The following ANO2 variants were observed in gnomAD, a reference collection of about 807,000 sequenced individuals.
ANO2 encodes anoctamin 2.
In ANO2, 101 loss-of-function variants were observed where a neutral mutation model predicts 124.2. That is an observed-to-expected ratio of 0.81 (90% CI 0.69 to 0.96). The LOEUF is 0.96. Among genes scored for constraint, ANO2 ranks in the 40% least tolerant of loss-of-function variants. The pLI is 0.00. For synonymous variants in ANO2, 486 were observed against 482.5 expected (o/e 1.01, Z -0.09); for missense variants, 1,293 against 1,274.5 (o/e 1.01, Z -0.22).
At chr12:5,565,727 G>A in intron 23 of ANO2, 64 bp from the exon 24 acceptor site, 1 of 1,347,154 alleles carries the variant, frequency 7.4e-7, no homozygotes, top group Non-Finnish European at 1.0e-6. Context: ...GTCATTCTCT[G>A]GGTGAAACCT....
At chr12:5,916,891 G>A (rs921647256) in intron 3 of ANO2, among the ~76,000 whole-genome samples, 6 of 152,110 alleles carry the variant, frequency 3.9e-5, no homozygotes, top group Non-Finnish European at 8.8e-5. Context: ...TAAACTCAAC[G>A]CTTTACACGC....
rs1373442407 is a variant in ANO2 at position 5,925,487 on chromosome 12, C to T, written c.23-2683G>A. ...CAGCCGTCCCAGCTCTGGAGAGGCA[C>T]TCCAGGCAATAAAGACACAAGGGAG... On this transcript the variant is annotated intron_variant, in intron 1 of 24. Coordinates refer to ENST00000682330, the MANE Select transcript of ANO2 (RefSeq NM_001364791.2). This position sits in a 1 kb window ranked among gnomAD's most constrained non-coding sequence, Gnocchi z 4.6. 4.6e-5 allele frequency among the ~76,000 whole-genome samples: 7 copies of T among 152,180 alleles called. No homozygotes were observed. The highest frequency in any genetic ancestry group is 1.0e-4 in the Non-Finnish European group (7 of 68,038).
At chr12:5,924,936 A>G (rs1235243052) in intron 1 of ANO2, among the ~76,000 whole-genome samples, 1 of 152,156 alleles carries the variant, frequency 6.6e-6, no homozygotes, top group Non-Finnish European at 1.5e-5. Context: ...TTTTTGGTTT[A>G]CATGTGATGG....
At chr12:5,873,196 G>GCT (rs57038931) in intron 3 of ANO2, among the ~76,000 whole-genome samples, 7,572 of 118,324 alleles carry the variant, frequency 0.064, 460 homozygotes, top group Non-Finnish European at 0.085. Flanking sequence ...GCCTAAAGCA[G>GCT]CTCTCTCTCT....
At chr12:5,593,773 G>A (rs1450276644) in intron 20 of ANO2, among the ~76,000 whole-genome samples, 1 of 152,184 alleles carries the variant, frequency 6.6e-6, no homozygotes, top group African/African-American at 2.4e-5. Flanking sequence ...TCAGATGGGA[G>A]AATTGGACCT....
intron 14 of ANO2, among the ~76,000 whole-genome samples, chr12:5,704,437 T>A (rs1392527765): frequency 6.6e-6 from 1 of 152,184 alleles, no homozygotes; most frequent in Non-Finnish European, 1.5e-5. Flanking sequence ...CATAAAAGAA[T>A]GCTGTTTTTA....
chr12:5,788,688 A>G (rs1952611771), intron 10 of ANO2, among the ~76,000 whole-genome samples: 1 of 152,118 alleles, frequency 6.6e-6, no homozygotes, highest in South Asian at 2.1e-4. Context: ...CTTCCTGAGT[A>G]GCTGGGATTA....
intron 1 of ANO2, among the ~76,000 whole-genome samples, chr12:5,940,117 T>A (rs542730228): frequency 1.3e-5 from 2 of 152,298 alleles, no homozygotes; most frequent in African/African-American, 2.4e-5. Flanking sequence ...TGAGCTTGTG[T>A]GACAGTAGTT....
At chr12:5,645,928 G>A (rs1168680635) in intron 15 of ANO2, among the ~76,000 whole-genome samples, 2 of 152,198 alleles carry the variant, frequency 1.3e-5, no homozygotes, top group Non-Finnish European at 2.9e-5. Context: ...AGCCACAGTA[G>A]GGATTGCCCC....
intron 17 of ANO2, among the ~76,000 whole-genome samples, chr12:5,614,644 GC>G (rs1944706999): frequency 6.6e-6 from 1 of 152,154 alleles, no homozygotes; most frequent in Non-Finnish European, 1.5e-5. Flanking sequence ...TGTAAGTATA[GC>G]ACATTTCTGA....
intron 3 of ANO2, among the ~76,000 whole-genome samples, chr12:5,901,981 T>C (rs1395723860): frequency 6.6e-6 from 1 of 152,180 alleles, no homozygotes; most frequent in Non-Finnish European, 1.5e-5. Flanking sequence ...TTCGGTTAGA[T>C]CTTAGGAAGA....
intron 3 of ANO2, among the ~76,000 whole-genome samples, chr12:5,913,570 T>C (rs1165126323): frequency 6.6e-6 from 1 of 152,188 alleles, no homozygotes; most frequent in Admixed American, 6.5e-5. Flanking sequence ...AAAACTACTA[T>C]AAAGTGCTTG....
intron 19 of ANO2, among the ~76,000 whole-genome samples, chr12:5,607,828 T>C (rs906420645): frequency 5.3e-5 from 8 of 152,216 alleles, no homozygotes; most frequent in African/African-American, 1.9e-4. Context: ...CAGATGGGAC[T>C]GTCTAGTTGC....
At chr12:5,869,151 C>T (rs962743949) in intron 3 of ANO2, among the ~76,000 whole-genome samples, 7 of 152,028 alleles carry the variant, frequency 4.6e-5, no homozygotes, top group African/African-American at 1.5e-4. Context: ...AACTGTGGGT[C>T]CCATCCAGCA....
chr12:5,852,687 A>G, intron 4 of ANO2, among the ~76,000 whole-genome samples: 1 of 152,116 alleles, frequency 6.6e-6, no homozygotes, highest in East Asian at 1.9e-4. Context: ...GAGAGTCGGC[A>G]TGGTAACGAG....
intron 10 of ANO2, among the ~76,000 whole-genome samples, chr12:5,792,380 G>A (rs1374427434): frequency 1.3e-5 from 2 of 152,130 alleles, no homozygotes; most frequent in Admixed American, 6.5e-5. Context: ...TTATAAAGAC[G>A]CCTCTCCAAA....
chr12:5,633,206 C>A (rs201059651), intron 16 of ANO2, among the ~76,000 whole-genome samples: 1 of 152,172 alleles, frequency 6.6e-6, no homozygotes, highest in Non-Finnish European at 1.5e-5. Flanking sequence ...CATTCCTTGC[C>A]TAGCCTCTTT....
intron 1 of ANO2, among the ~76,000 whole-genome samples, chr12:5,932,555 TAAGG>T (rs1218641720): frequency 1.4e-5 from 2 of 146,400 alleles, no homozygotes; most frequent in African/African-American, 5.1e-5. Context: ...GGTAGACTAG[TAAGG>T]AAGGAAGACT....
chr12:5,756,174 T>C (rs551031313), intron 10 of ANO2, among the ~76,000 whole-genome samples: 2 of 152,180 alleles, frequency 1.3e-5, no homozygotes, highest in South Asian at 2.1e-4. Flanking sequence ...AGTTCAGTCA[T>C]TGTATTCTTC....
Sources: gnomAD v4.1 joint callset for allele counts (sites outside exome capture counted in the v4.1 genomes callset) on GRCh38, gnomAD v4.1.1 for gene constraint, Gnocchi (gnomAD v3.1) non-coding constraint, MANE v1.5 for transcripts, NCBI Gene and HGNC (gene_info 2026-07-23, HGNC 2026-07-21) for gene names.